Variants in PCDHA9 observed in about 807,000 individuals in gnomAD.
PCDHA9 encodes the protein protocadherin alpha-9.
PCDHA9 carries 62 observed loss-of-function variants against 62.0 expected under a neutral mutation model. The ratio of observed to expected loss-of-function variants is 1.00; its 90% CI spans 0.81 to 1.23. The LOEUF (loss-of-function observed/expected upper bound fraction) is 1.23, where lower values mean the gene tolerates loss of function less well. Ranked by LOEUF, PCDHA9 falls within the 50% of genes most tolerant of loss-of-function variation. PCDHA9 has a pLI of 0.00. For synonymous variants in PCDHA9, 557 were observed against 567.6 expected (o/e 0.98, Z 0.27); for missense variants, 1,205 against 1,249.8 (o/e 0.96, Z 0.54).
At position 140,990,592 on chromosome 5, in the gene PCDHA9, C is replaced by T. The variant is rs150978794; in HGVS notation, c.2542+8029C>T. On this transcript the variant is annotated intron_variant, in intron 3 of 3. Coordinates refer to ENST00000532602, the MANE Select transcript of PCDHA9 (RefSeq NM_031857.2). ...GTTCGATCTCTTTTCCTATAATCAC[C>T]TGGAGTCAGATGAATACCGTAAAGG... 2.7e-3 allele frequency among the ~76,000 whole-genome samples: 412 copies of T among 152,286 alleles called. 2 individuals are homozygous for T. Among genetic ancestry groups the T allele is most frequent in the African/African-American group, 9.5e-3 (395 of 41,556 alleles).
chr5:140,969,047 A>C, intron 1 of PCDHA9: 1 of 1,614,152 alleles, frequency 6.2e-7, no homozygotes, highest in Non-Finnish European at 8.5e-7. Flanking sequence ...CAAACAAGCC[A>C]ACAACAATAT....
chr5:140,939,028 C>T (rs1231920381), intron 1 of PCDHA9, among the ~76,000 whole-genome samples: 6 of 152,098 alleles, frequency 3.9e-5, no homozygotes, highest in East Asian at 1.9e-4. Context: ...TTTACTTATT[C>T]GGAAGAGTTG....
At chr5:140,879,391 G>A (rs2057973329) in intron 1 of PCDHA9, among the ~76,000 whole-genome samples, 1 of 152,184 alleles carries the variant, frequency 6.6e-6, no homozygotes, top group South Asian at 2.1e-4. Flanking sequence ...TGGAGAAACA[G>A]TTTGTGTGTA....
At chr5:140,923,362 T>C (rs1294539314) in intron 1 of PCDHA9, among the ~76,000 whole-genome samples, 1 of 152,136 alleles carries the variant, frequency 6.6e-6, no homozygotes, top group East Asian at 1.9e-4. Context: ...CCTATCTTTA[T>C]AAAATATTTT....
intron 1 of PCDHA9, among the ~76,000 whole-genome samples, chr5:140,897,340 C>A (rs1326802877): frequency 8.1e-6 from 1 of 122,842 alleles, no homozygotes; most frequent in African/African-American, 3.1e-5. Context: ...CCCCTCCCCC[C>A]ACCCCACAAC....
intron 3 of PCDHA9, among the ~76,000 whole-genome samples, chr5:140,989,704 A>G (rs1011656518): frequency 9.2e-5 from 14 of 152,202 alleles, no homozygotes; most frequent in Admixed American, 9.2e-4. Context: ...TTTTATCTTC[A>G]GAGGCAGTCA....
At chr5:140,953,948 C>T (rs1012464637) in intron 1 of PCDHA9, among the ~76,000 whole-genome samples, 1 of 152,092 alleles carries the variant, frequency 6.6e-6, no homozygotes, top group Non-Finnish European at 1.5e-5. Flanking sequence ...CATTGCTCCC[C>T]CAACAGGCCC....
chr5:140,871,729 G>C, intron 1 of PCDHA9: 1 of 714,516 alleles, frequency 1.4e-6, no homozygotes, highest in Admixed American at 3.4e-5. Context: ...TTAATATTTG[G>C]TTAGCAAATC....
chr5:140,912,746 A>T (rs1322674627), intron 1 of PCDHA9, among the ~76,000 whole-genome samples: 1 of 152,200 alleles, frequency 6.6e-6, no homozygotes, highest in Non-Finnish European at 1.5e-5. Flanking sequence ...TGGGTCTGTC[A>T]TAGATGGCTT....
At position 140,924,955 on chromosome 5, in the gene PCDHA9, T is replaced by C. The variant is rs571597374; in HGVS notation, c.2395-53994T>C. Among the ~76,000 whole-genome samples, 96 of 145,332 alleles carry C rather than the reference T, an allele frequency of 6.6e-4. 1 individual carries two copies. The South Asian group carries it at 0.02, about 30-fold the overall frequency. The stretch of plus-strand genomic sequence containing the variant: ...ATAAAATAAAAAGTTAAAAAAAAAA[T>C]GCAAGGTGAGTGCAGTGGCTCATGT... On this transcript the variant is annotated intron_variant, in intron 1 of 3. Transcript: ENST00000532602.
chr5:140,956,497 A>G (rs2095288493), intron 1 of PCDHA9, among the ~76,000 whole-genome samples: 2 of 152,190 alleles, frequency 1.3e-5, no homozygotes, highest in Admixed American at 1.3e-4. Flanking sequence ...CCAGGGATGA[A>G]GCCTACTTGA....
intron 1 of PCDHA9, chr5:140,869,798 T>G: frequency 6.2e-7 from 1 of 1,612,730 alleles, no homozygotes; most frequent in Non-Finnish European, 8.5e-7. Context: ...TTAGTCCAAG[T>G]CTTGGATGTC....
At chr5:140,975,010 C>T (rs2096649304) in intron 1 of PCDHA9, among the ~76,000 whole-genome samples, 1 of 152,182 alleles carries the variant, frequency 6.6e-6, no homozygotes, top group Admixed American at 6.5e-5. Context: ...GAAATGAACA[C>T]AGCTGGGCTG....
chr5:140,978,424 T>C (rs1554239310), intron 1 of PCDHA9, among the ~76,000 whole-genome samples: 1 of 152,238 alleles, frequency 6.6e-6, no homozygotes, highest in African/African-American at 2.4e-5. Flanking sequence ...GAGACTGTTA[T>C]CAGTTGCTGG....
intron 1 of PCDHA9, chr5:140,856,337 C>A (rs782782390): frequency 1.3e-6 from 2 of 1,598,382 alleles, no homozygotes; most frequent in Non-Finnish European, 1.7e-6. Flanking sequence ...GCTGTGCGGG[C>A]GGAGCGTGGA....
intron 1 of PCDHA9, among the ~76,000 whole-genome samples, chr5:140,972,402 G>A (rs1554234110): frequency 6.6e-6 from 1 of 151,784 alleles, no homozygotes; most frequent in Non-Finnish European, 1.5e-5. Context: ...TTCACTATTG[G>A]CAAACCCTGT....
chr5:140,923,832 T>C (rs1584323997), intron 1 of PCDHA9, among the ~76,000 whole-genome samples: 1 of 152,306 alleles, frequency 6.6e-6, no homozygotes, highest in East Asian at 1.9e-4. Context: ...TCAGTGGCAG[T>C]TTAAATAGAG....
intron 1 of PCDHA9, among the ~76,000 whole-genome samples, chr5:140,879,397 G>A (rs973374921): frequency 6.6e-6 from 1 of 152,188 alleles, no homozygotes; most frequent in Non-Finnish European, 1.5e-5. Context: ...AACAGTTTGT[G>A]TGTATTTGAG....
chr5:140,890,879 A>C (rs1448155644), intron 1 of PCDHA9, among the ~76,000 whole-genome samples: 2 of 152,112 alleles, frequency 1.3e-5, no homozygotes, highest in Non-Finnish European at 2.9e-5. Flanking sequence ...CTGACCTTTC[A>C]TCAGGGATTA....
Sources: allele counts gnomAD v4.1 joint callset (sites outside exome capture counted in the v4.1 genomes callset), GRCh38; gene constraint gnomAD v4.1.1; transcripts MANE v1.5; gene names NCBI Gene and HGNC (gene_info 2026-07-23, HGNC 2026-07-21).